DLGAP2: variants seen among roughly 807,000 people sequenced by gnomAD.
DLGAP2 encodes the protein disks large-associated protein 2.
In DLGAP2, 26 loss-of-function variants were observed where a neutral mutation model predicts 100.3. The ratio of observed to expected loss-of-function variants is 0.26; its 90% CI spans 0.19 to 0.36. DLGAP2 has a LOEUF of 0.36. Among genes scored for constraint, DLGAP2 ranks in the 10% least tolerant of loss-of-function variants. DLGAP2 has a pLI of 1.00. For synonymous variants in DLGAP2, 886 were observed against 630.1 expected (o/e 1.41, Z -6.08); for missense variants, 1,858 against 1,453.2 (o/e 1.28, Z -4.53).
intron 4 of DLGAP2, among the ~76,000 whole-genome samples, chr8:1,521,787 GC>G (rs34358277): frequency 7.5e-6 from 1 of 133,954 alleles, no homozygotes; most frequent in African/African-American, 2.8e-5. Context: ...GAATACTCGG[GC>G]GGCAGGTGAT....
At chr8:754,139 G>A (rs184997420) in intron 1 of DLGAP2, 2 of 152,270 alleles carry the variant, frequency 1.3e-5, no homozygotes, top group African/African-American at 2.4e-5. Context: ...GTGCCTTTCC[G>A]AGTCCTCACG....
intron 4 of DLGAP2, among the ~76,000 whole-genome samples, chr8:1,540,381 C>T (rs534769546): frequency 1.3e-5 from 2 of 152,330 alleles, no homozygotes; most frequent in African/African-American, 2.4e-5. Context: ...ACCTTGTTTG[C>T]AGCAGGTGCT....
chr8:1,313,830 C>T (rs573887295), intron 3 of DLGAP2, among the ~76,000 whole-genome samples: 1 of 152,064 alleles, frequency 6.6e-6, no homozygotes, highest in African/African-American at 2.4e-5. Context: ...CAAAACTGAA[C>T]CTTGATAACC....
intron 6 of DLGAP2, among the ~76,000 whole-genome samples, chr8:1,577,363 G>A (rs1803025608): frequency 6.6e-6 from 1 of 152,178 alleles, no homozygotes; most frequent in Non-Finnish European, 1.5e-5. Context: ...GAGGTCAGGA[G>A]TTCGAGACCA....
chr8:1,209,943 A>G (rs796083781), intron 2 of DLGAP2, among the ~76,000 whole-genome samples: 15 of 152,194 alleles, frequency 9.9e-5, no homozygotes, highest in African/African-American at 2.9e-4. Flanking sequence ...ACCACTTTCA[A>G]CTGGAGAAAT....
At chr8:1,407,414 A>G (rs1452865841) in intron 3 of DLGAP2, among the ~76,000 whole-genome samples, 1 of 94,184 alleles carries the variant, frequency 1.1e-5, no homozygotes, top group South Asian at 4.4e-4. Flanking sequence ...ACTGAGCGCC[A>G]CCTCCTTGTC....
At chr8:1,696,316 C>T (rs1310370344) in intron 13 of DLGAP2, among the ~76,000 whole-genome samples, 4 of 152,106 alleles carry the variant, frequency 2.6e-5, no homozygotes, top group East Asian at 3.9e-4. Context: ...CCCTGGGCAA[C>T]ACAGCCAGAC....
chr8:1,363,263 C>G (rs910806721), intron 3 of DLGAP2, among the ~76,000 whole-genome samples: 9 of 152,342 alleles, frequency 5.9e-5, no homozygotes, highest in Admixed American at 3.9e-4. Flanking sequence ...AAAGCGCCCC[C>G]ACGCCCATGG....
At chr8:1,446,142 T>C (rs1270796816) in intron 3 of DLGAP2, among the ~76,000 whole-genome samples, 6 of 152,058 alleles carry the variant, frequency 3.9e-5, no homozygotes, top group African/African-American at 1.2e-4. Flanking sequence ...TTGCTTTTGG[T>C]GTTTTAGACA....
chr8:1,287,075 T>C (rs1400438029), intron 3 of DLGAP2, among the ~76,000 whole-genome samples: 1 of 152,186 alleles, frequency 6.6e-6, no homozygotes, highest in Non-Finnish European at 1.5e-5. Context: ...TTAGGGGAAC[T>C]GGTTTCGGTT....
At chr8:839,559 C>T (rs1459364598) in intron 1 of DLGAP2, among the ~76,000 whole-genome samples, 1 of 152,122 alleles carries the variant, frequency 6.6e-6, no homozygotes, top group Non-Finnish European at 1.5e-5. Flanking sequence ...TGGTGGTTCC[C>T]AGGCCTGGTC....
At position 1,351,710 on chromosome 8, in the gene DLGAP2, CCA is replaced by C. The variant is rs1324638809; in HGVS notation, c.106+92828_106+92829del. On this transcript the variant is annotated intron_variant, in intron 3 of 14. Transcript: ENST00000637795. ...TGGGTCCTGACTGTGCGTGGAAAGG[CCA>C]TGCGGGTCCTGAGTGTGTGTGGAAA... Among the ~76,000 whole-genome samples the C allele has an allele frequency of 3.6e-3, 180 of 49,548 alleles. 20 individuals are homozygous for C. The highest frequency in any genetic ancestry group is 0.011 in the East Asian group (7 of 648). 32.5% of individuals were successfully genotyped at this position (49,548 alleles called of 152,430 possible). A position where few individuals can be genotyped will look rare whatever the true frequency, so the allele number is the denominator to read the frequency against.
chr8:1,536,068 T>G (rs1454769097), intron 4 of DLGAP2, among the ~76,000 whole-genome samples: 1 of 152,156 alleles, frequency 6.6e-6, no homozygotes, highest in Non-Finnish European at 1.5e-5. Context: ...TTAAAGGAAT[T>G]AAACCGTTTG....
intron 3 of DLGAP2, among the ~76,000 whole-genome samples, chr8:1,381,858 C>T (rs1045400619): frequency 1.3e-5 from 2 of 150,374 alleles, no homozygotes; most frequent in African/African-American, 4.9e-5. Flanking sequence ...CGTAGCCATT[C>T]AGATAGGAAT....
chr8:999,811 T>C (rs1041465295), intron 2 of DLGAP2, among the ~76,000 whole-genome samples: 1 of 152,358 alleles, frequency 6.6e-6, no homozygotes, highest in South Asian at 2.1e-4. Flanking sequence ...GTTGAGTTCC[T>C]TTCCTGTGCA....
At chr8:1,211,240 A>G (rs560547752) in intron 2 of DLGAP2, among the ~76,000 whole-genome samples, 6 of 152,304 alleles carry the variant, frequency 3.9e-5, no homozygotes, top group African/African-American at 1.4e-4. Flanking sequence ...TCCCAAGTAA[A>G]ATCCACCTTC....
intron 4 of DLGAP2, among the ~76,000 whole-genome samples, chr8:1,544,433 G>C (rs2130500067): frequency 6.6e-6 from 1 of 152,284 alleles, no homozygotes; most frequent in South Asian, 2.1e-4. Context: ...CTTCAGCATT[G>C]AGTATGATGT....
intron 5 of DLGAP2, among the ~76,000 whole-genome samples, chr8:1,551,035 G>C (rs1042994908): frequency 1.3e-5 from 2 of 152,312 alleles, no homozygotes; most frequent in African/African-American, 4.8e-5. Flanking sequence ...AGTCGTGGTG[G>C]CAAATCCTTC....
chr8:1,298,492 G>C (rs1800247112), intron 3 of DLGAP2, among the ~76,000 whole-genome samples: 1 of 152,156 alleles, frequency 6.6e-6, no homozygotes, highest in Non-Finnish European at 1.5e-5. Flanking sequence ...GGAGCTGAGT[G>C]TGCTCCTCTG....
Sources: allele counts gnomAD v4.1 joint callset (sites outside exome capture counted in the v4.1 genomes callset), GRCh38; gene constraint gnomAD v4.1.1; transcripts MANE v1.5; gene names NCBI Gene and HGNC (gene_info 2026-07-23, HGNC 2026-07-21).